BBS9: variants seen among roughly 807,000 people sequenced by gnomAD.
BBS9 encodes the protein Bardet-Biedl syndrome 9, also known as protein PTHB1.
A neutral mutation model predicts 117.7 loss-of-function variants in BBS9; 89 were observed. The ratio of observed to expected loss-of-function variants is 0.76; its 90% confidence interval spans 0.64 to 0.90. The LOEUF is 0.90. Ranked by LOEUF, BBS9 falls within the 40% of genes least tolerant of loss-of-function variation. The pLI, the probability that BBS9 is intolerant of heterozygous loss-of-function variation, is 0.00. For missense variants in BBS9, 982 were observed against 1,042.2 expected, an observed-to-expected ratio of 0.94 and a Z score of 0.80; for synonymous variants, 379 against 370.9, an observed-to-expected ratio of 1.02 and a Z score of -0.25.
chr7:33,351,300 T>TTTCCAATTC lies in BBS9; in HGVS notation c.1515_1516insTCCAATTCT (p.Val505_Val506insSerAsnSer). 4 of 1,611,310 alleles carry TTTCCAATTC rather than the reference T, an allele frequency of 2.5e-6. No homozygotes were observed. Among genetic ancestry groups the TTTCCAATTC allele is most frequent in the Non-Finnish European group, 3.4e-6 (4 of 1,177,488 alleles). On this transcript the variant is annotated inframe_insertion, in exon 14 of 23. Transcript: ENST00000242067. ...CCATCAGAATTGGAAGGAAATGCTGTTGTTTCTTATTCCAGACCAACAGGT... is the reference window on the plus strand; with the variant it reads ...CCATCAGAATTGGAAGGAAATGCTGTTTCCAATTCTGTTTCTTATTCCAGACCAACAGGT...
intron 9 of BBS9, among the ~76,000 whole-genome samples, chr7:33,297,511 T>G (rs1033152534): frequency 5.3e-5 from 8 of 152,146 alleles, no homozygotes; most frequent in African/African-American, 1.9e-4. Context: ...CCTATTATAG[T>G]TTGGTAATTC....
chr7:33,316,487 T>C lies in BBS9; in HGVS notation c.1017-19954T>C, dbSNP rs1810534043. On this transcript the variant is annotated intron_variant, in intron 9 of 22. Transcript: ENST00000242067. ...GAAACTGCCAAAACTTTTTGCAAAG[T>C]AGTTAGACTATTTTACATTCCTACT... is the stretch of plus-strand genomic sequence containing the variant. Among the ~76,000 whole-genome samples the C allele has an allele frequency of 1.3e-5, 2 of 152,208 alleles. 1 individual carries two copies. Among genetic ancestry groups the C allele is most frequent in the African/African-American group, 4.8e-5 (2 of 41,462 alleles).
intron 21 of BBS9, among the ~76,000 whole-genome samples, chr7:33,597,639 A>G (rs1396132233): frequency 6.6e-6 from 1 of 152,040 alleles, no homozygotes; most frequent in African/African-American, 2.4e-5. Flanking sequence ...ACTAGTTAGG[A>G]CGGCCAACTC....
At chr7:33,569,625 G>C (rs998387511) in intron 21 of BBS9, among the ~76,000 whole-genome samples, 2 of 151,822 alleles carry the variant, frequency 1.3e-5, no homozygotes, top group Admixed American at 1.3e-4. Flanking sequence ...AGCTGGGAAG[G>C]GTGGCTGGCG....
intron 19 of BBS9, among the ~76,000 whole-genome samples, chr7:33,492,527 A>T (rs1337167342): frequency 1.3e-5 from 2 of 152,154 alleles, no homozygotes; most frequent in Non-Finnish European, 2.9e-5. Flanking sequence ...AGAGTTCATG[A>T]TTACTGAAGT....
intron 17 of BBS9, among the ~76,000 whole-genome samples, chr7:33,382,656 C>G (rs1420629136): frequency 1.3e-5 from 2 of 152,066 alleles, no homozygotes; most frequent in Admixed American, 1.3e-4. Flanking sequence ...AGTGCCTGCT[C>G]TCTTACTAAC....
chr7:33,299,543 T>TATA (rs1805948683), intron 9 of BBS9, among the ~76,000 whole-genome samples: 1 of 149,308 alleles, frequency 6.7e-6, no homozygotes, highest in Non-Finnish European at 1.5e-5. Context: ...GTAATATTAT[T>TATA]ATAATTTAAT....
intron 7 of BBS9, among the ~76,000 whole-genome samples, chr7:33,268,843 A>G (rs1468923525): frequency 8.5e-5 from 13 of 152,184 alleles, no homozygotes; most frequent in Non-Finnish European, 1.3e-4. Context: ...TCTCAGAGTG[A>G]GGCACACATC....
At chr7:33,632,233 A>G (rs1865924009) in intron 21 of BBS9, among the ~76,000 whole-genome samples, 1 of 152,222 alleles carries the variant, frequency 6.6e-6, no homozygotes, top group East Asian at 1.9e-4. Context: ...CTGGACAATC[A>G]TAAACCCTTT....
At chr7:33,504,381 C>T (rs1845860165) in intron 19 of BBS9, among the ~76,000 whole-genome samples, 1 of 152,148 alleles carries the variant, frequency 6.6e-6, no homozygotes, top group African/African-American at 2.4e-5. Context: ...TGTACAGCCC[C>T]TCTCCCAACA....
intron 19 of BBS9, among the ~76,000 whole-genome samples, chr7:33,397,478 A>G (rs1828179914): frequency 6.6e-6 from 1 of 152,196 alleles, no homozygotes; most frequent in African/African-American, 2.4e-5. Context: ...GTATATACCC[A>G]AAAGAATATA....
intron 9 of BBS9, among the ~76,000 whole-genome samples, chr7:33,275,310 A>C (rs1468117418): frequency 6.6e-6 from 1 of 152,204 alleles, no homozygotes; most frequent in Non-Finnish European, 1.5e-5. Flanking sequence ...AAATAATTTA[A>C]AAGTTTTGAG....
intron 21 of BBS9, among the ~76,000 whole-genome samples, chr7:33,589,921 G>A (rs1325255851): frequency 6.6e-6 from 1 of 152,076 alleles, no homozygotes; most frequent in Non-Finnish European, 1.5e-5. Flanking sequence ...AAAACTGAGT[G>A]CTGGATATTG....
chr7:33,345,945 C>A (rs983601358), intron 12 of BBS9, among the ~76,000 whole-genome samples: 14 of 152,188 alleles, frequency 9.2e-5, no homozygotes, highest in African/African-American at 3.1e-4. Flanking sequence ...CCCTCCCATG[C>A]AGTTCTTAAG....
intron 19 of BBS9, among the ~76,000 whole-genome samples, chr7:33,405,936 T>A (rs910918929): frequency 4.1e-5 from 6 of 145,648 alleles, no homozygotes; most frequent in Non-Finnish European, 7.6e-5. Flanking sequence ...ATTGTGATAT[T>A]AGGGTGTCAA....
chr7:33,633,158 A>G lies in BBS9; in HGVS notation c.2522-2019A>G, dbSNP rs182049672. 1.3e-3 allele frequency among the ~76,000 whole-genome samples: 203 copies of G among 152,280 alleles called. 2 individuals carry two copies. Among genetic ancestry groups the G allele is most frequent in the African/African-American group, 4.7e-3 (196 of 41,546 alleles). Reference sequence around the variant, plus strand: ...CTTGTGTGCCCGAAGCATTGTCCTCACACAACATTCCTTTCTTTACACTTC... The same window carrying G: ...CTTGTGTGCCCGAAGCATTGTCCTCGCACAACATTCCTTTCTTTACACTTC... On this transcript the variant is annotated intron_variant, in intron 21 of 21. Coordinates refer to the BBS9 transcript ENST00000671952.
At chr7:33,485,417 C>T (rs1257974614) in intron 19 of BBS9, among the ~76,000 whole-genome samples, 2 of 148,980 alleles carry the variant, frequency 1.3e-5, no homozygotes, top group East Asian at 4.0e-4. Context: ...TCATGCCATT[C>T]TCCTGCCTCA....
chr7:33,212,169 C>T (rs996659879), intron 5 of BBS9, among the ~76,000 whole-genome samples: 1 of 152,128 alleles, frequency 6.6e-6, no homozygotes, highest in African/African-American at 2.4e-5. Context: ...TTTCTACCAC[C>T]CCTCTCTACC....
chr7:33,168,949 A>G (rs1312684299), intron 4 of BBS9, among the ~76,000 whole-genome samples: 2 of 151,904 alleles, frequency 1.3e-5, no homozygotes, highest in African/African-American at 4.8e-5. Context: ...TCCCAATGCT[A>G]TCCCTCCCCG....
Sources: allele counts gnomAD v4.1 joint callset (sites outside exome capture counted in the v4.1 genomes callset), GRCh38; gene constraint gnomAD v4.1.1; transcripts MANE v1.5; gene names NCBI Gene and HGNC (gene_info 2026-07-23, HGNC 2026-07-21).